The following NR2C1 variants were observed in gnomAD, a reference collection of about 807,000 sequenced individuals.
NR2C1 encodes the protein nuclear receptor subfamily 2 group C member 1, also known as TR2 nuclear hormone receptor.
A neutral mutation model predicts 74.8 loss-of-function variants in NR2C1; 33 were observed. The observed-to-expected ratio is 0.44, with a 90% CI of 0.33 to 0.59. The LOEUF (loss-of-function observed/expected upper bound fraction) is 0.59. Ranked by LOEUF, NR2C1 falls within the 20% of genes least tolerant of loss-of-function variation. The pLI, the probability that NR2C1 is intolerant of heterozygous loss-of-function variation, is 0.02. For synonymous variants in NR2C1, 225 were observed against 240.6 expected (o/e 0.94, Z 0.60); for missense variants, 568 against 715.6 (o/e 0.79, Z 2.35).
At chr12:95,036,272 TA>T (rs368229386) in intron 10 of NR2C1, among the ~76,000 whole-genome samples, 122 of 127,202 alleles carry the variant, frequency 9.6e-4, no homozygotes, top group African/African-American at 1.4e-3. Flanking sequence ...ATGTTGAGAT[TA>T]AAAAAAAAAA....
intron 10 of NR2C1, among the ~76,000 whole-genome samples, chr12:95,033,301 T>C (rs551354608): frequency 6.6e-6 from 1 of 152,242 alleles, no homozygotes; most frequent in African/African-American, 2.4e-5. Flanking sequence ...TACATAATTT[T>C]AGGTAATAAA....
intron 7 of NR2C1, among the ~76,000 whole-genome samples, chr12:95,056,864 C>A (rs1873966859): frequency 6.7e-6 from 1 of 149,160 alleles, no homozygotes; most frequent in Admixed American, 6.8e-5. Flanking sequence ...GAGGCTGAGG[C>A]AGGAGAATGG....
At chr12:95,048,723 C>G (rs1490935118) in intron 9 of NR2C1, among the ~76,000 whole-genome samples, 1 of 149,626 alleles carries the variant, frequency 6.7e-6, no homozygotes, top group Non-Finnish European at 1.5e-5. Flanking sequence ...CTCCCGAGTT[C>G]AATCGATTGT....
chr12:95,047,206 CAA>C (rs1431890706), intron 9 of NR2C1, among the ~76,000 whole-genome samples: 4 of 152,114 alleles, frequency 2.6e-5, no homozygotes, highest in Non-Finnish European at 5.9e-5. Flanking sequence ...CCTAAGAAAA[CAA>C]AAGAGTATCT....
chr12:95,070,703 A>G (rs1216983851), intron 1 of NR2C1, among the ~76,000 whole-genome samples: 1 of 152,044 alleles, frequency 6.6e-6, no homozygotes, highest in East Asian at 1.9e-4. Flanking sequence ...TTCCCTTGGT[A>G]TTCATTCAAT....
chr12:95,045,593 G>GA (rs1445036624), intron 9 of NR2C1, among the ~76,000 whole-genome samples: 1 of 152,176 alleles, frequency 6.6e-6, no homozygotes, highest in Non-Finnish European at 1.5e-5. Context: ...GAGGCTTAGG[G>GA]AGAGTAACTG....
chr12:95,070,580 T>C (rs750885552), intron 1 of NR2C1, among the ~76,000 whole-genome samples: 9 of 152,198 alleles, frequency 5.9e-5, no homozygotes, highest in Non-Finnish European at 1.0e-4. Context: ...ATTCAACAAA[T>C]CACTTGTTGA....
intron 1 of NR2C1, among the ~76,000 whole-genome samples, chr12:95,068,944 CAG>C (rs1464092449): frequency 2.0e-5 from 3 of 151,630 alleles, no homozygotes; most frequent in East Asian, 1.9e-4. Flanking sequence ...GCCTGGGTGA[CAG>C]AGAGAGACTC....
chr12:95,036,644 G>C (rs1471369748), intron 10 of NR2C1, among the ~76,000 whole-genome samples: 1 of 151,932 alleles, frequency 6.6e-6, no homozygotes, highest in Non-Finnish European at 1.5e-5. Flanking sequence ...CTGCGTAGCT[G>C]GGATTACAGG....
intron 13 of NR2C1, among the ~76,000 whole-genome samples, chr12:95,022,653 G>C (rs1868893561): frequency 6.6e-6 from 1 of 151,912 alleles, no homozygotes. Context: ...CCACTTGGCT[G>C]TAAGGACTGT....
intron 3 of NR2C1, among the ~76,000 whole-genome samples, chr12:95,060,500 A>T (rs1373354047): frequency 6.6e-6 from 1 of 152,054 alleles, no homozygotes; most frequent in Non-Finnish European, 1.5e-5. Flanking sequence ...CTAAAAATAC[A>T]AAAAATTAGC....
At chr12:95,057,912 A>G (rs1874166876) in intron 5 of NR2C1, 34 bp from the exon 6 acceptor site, 1 of 1,573,464 alleles carries the variant, frequency 6.4e-7, no homozygotes, top group East Asian at 2.2e-5. Context: ...ATATCACAAT[A>G]TAGGATTTAC....
intron 1 of NR2C1, among the ~76,000 whole-genome samples, chr12:95,067,632 C>T (rs894033461): frequency 6.6e-6 from 1 of 151,362 alleles, no homozygotes; most frequent in South Asian, 2.1e-4. Flanking sequence ...GGCACCATCA[C>T]GGCTCACTGC....
intron 1 of NR2C1, among the ~76,000 whole-genome samples, chr12:95,069,548 G>C (rs573110894): frequency 6.6e-6 from 1 of 152,300 alleles, no homozygotes; most frequent in East Asian, 1.9e-4. Context: ...TGTATGGTAA[G>C]TTATACCATT....
chr12:95,032,192 A>C (rs529743200), intron 10 of NR2C1, among the ~76,000 whole-genome samples: 397 of 152,386 alleles, frequency 2.6e-3, no homozygotes, highest in African/African-American at 8.0e-3. Flanking sequence ...ATAGTAGGCA[A>C]GCAACCAATT....
intron 1 of NR2C1, among the ~76,000 whole-genome samples, chr12:95,069,701 C>T (rs1876295435): frequency 6.6e-6 from 1 of 151,982 alleles, no homozygotes. Flanking sequence ...ACACACATTC[C>T]TTTTTTTCCC....
At chr12:95,036,589 C>T (rs1026376714) in intron 10 of NR2C1, among the ~76,000 whole-genome samples, 24 of 151,518 alleles carry the variant, frequency 1.6e-4, no homozygotes, top group Middle Eastern at 3.4e-3. Flanking sequence ...CAGCTCACTA[C>T]AACCTCCGTC....
intron 9 of NR2C1, among the ~76,000 whole-genome samples, chr12:95,043,689 C>CAAAAAA (rs34229669): frequency 2.4e-4 from 23 of 94,294 alleles, no homozygotes; most frequent in South Asian, 6.7e-4. Flanking sequence ...GACTCTGTCT[C>CAAAAAA]AAAAAAAAAA....
At chr12:95,054,641 T>C (rs1873559786) in intron 7 of NR2C1, among the ~76,000 whole-genome samples, 1 of 152,202 alleles carries the variant, frequency 6.6e-6, no homozygotes, top group African/African-American at 2.4e-5. Context: ...GAAATTTTCT[T>C]ATATTTGAAT....
Sources: allele counts gnomAD v4.1 joint callset (sites outside exome capture counted in the v4.1 genomes callset), GRCh38; gene constraint gnomAD v4.1.1; transcripts MANE v1.5; gene names NCBI Gene and HGNC (gene_info 2026-07-23, HGNC 2026-07-21).